The following RNF144A variants were observed in gnomAD, a reference collection of about 807,000 sequenced individuals.
The protein encoded by RNF144A is ring finger protein 144A, also known as E3 ubiquitin-protein ligase RNF144A.
A neutral mutation model predicts 38.7 loss-of-function variants in RNF144A; 11 were observed. The ratio of observed to expected loss-of-function variants is 0.28; its 90% CI spans 0.18 to 0.47. The LOEUF is 0.47. Among genes scored for constraint, RNF144A ranks in the 20% least tolerant of loss-of-function variants. RNF144A has a pLI of 0.99. For synonymous variants in RNF144A, 149 were observed against 143.9 expected (o/e 1.04, Z -0.25); for missense variants, 316 against 377.2 (o/e 0.84, Z 1.34).
intron 2 of RNF144A, among the ~76,000 whole-genome samples, chr2:6,949,051 T>TGGTGCTTTTGATTTCTCTTCTG (rs1666513903): frequency 6.6e-6 from 1 of 152,206 alleles, no homozygotes; most frequent in Non-Finnish European, 1.5e-5. Flanking sequence ...GGTGACCACG[T>TGGTGCTTTTGATTTCTCTTCTG]GGTGCTTTTG....
chr2:6,970,522 C>T (rs1200168475), intron 2 of RNF144A, among the ~76,000 whole-genome samples: 2 of 152,188 alleles, frequency 1.3e-5, no homozygotes, highest in Non-Finnish European at 2.9e-5. Context: ...ATACACGTCC[C>T]ATCCCCAAGA....
chr2:7,040,621 C>T lies in RNF144A; in HGVS notation c.*861C>T. ...AAAACGCTTTTTATTGTATTCAATC[C>T]CACTGCTTTGCTCGGCAATGGTTCT... On this transcript the variant is annotated 3_prime_UTR_variant, in exon 9 of 9. Coordinates refer to ENST00000320892, the MANE Select transcript of RNF144A (RefSeq NM_014746.6). The T allele has an allele frequency of 1.0e-6, 1 of 985,408 alleles. No homozygotes were observed. 61.0% of individuals were successfully genotyped at this position (985,408 alleles called of 1,614,324 possible). A position where few individuals can be genotyped will look rare whatever the true frequency, so the allele number is the denominator to read the frequency against.
At position 7,064,680 on chromosome 2, in the gene RNF144A, C is replaced by G. The variant is rs144451532; in HGVS notation, c.735-3536C>G. ...AGATTAAGGAAGATTCTGGTAATGA[C>G]TTTGATAGACTTTCAGGAGGATGGG... On this transcript the variant is annotated intron_variant, in intron 6 of 6. Transcript: ENST00000432850. 1.4e-4 allele frequency among the ~76,000 whole-genome samples: 21 copies of G among 152,286 alleles called. No individual in the cohort carries two copies. In the East Asian group the frequency reaches 4.1e-3, roughly 29 times the overall value.
intron 5 of RNF144A, among the ~76,000 whole-genome samples, chr2:7,018,192 C>T (rs532337924): frequency 4.6e-5 from 7 of 152,304 alleles, no homozygotes; most frequent in Admixed American, 1.3e-4. Flanking sequence ...AGCAGTGAGA[C>T]GGAAGGGTCC....
chr2:7,063,733 A>G (rs370495122), intron 6 of RNF144A, among the ~76,000 whole-genome samples: 2 of 152,296 alleles, frequency 1.3e-5, no homozygotes, highest in South Asian at 4.2e-4. Context: ...AACGTTGCAA[A>G]AAGGAAGAAA....
chr2:6,921,733 G>T (rs1664553208), intron 1 of RNF144A, among the ~76,000 whole-genome samples: 1 of 152,236 alleles, frequency 6.6e-6, no homozygotes, highest in African/African-American at 2.4e-5. Context: ...CCCACAGGAG[G>T]GTGCCTGGAT....
In RNF144A at chr2:7,041,840, G is replaced by A. The variant is rs544764165; in HGVS notation, c.*2080G>A. 8.1e-6 allele frequency: 8 copies of A among 985,454 alleles called. No individual in the cohort carries two copies. In the Admixed American group the frequency reaches 3.7e-4, roughly 45 times the overall value. The allele number at this position is 985,454 out of a possible 1,614,324, so 61.0% of individuals were successfully genotyped here. A position where few individuals can be genotyped will look rare whatever the true frequency, so the allele number is the denominator to read the frequency against. On this transcript the variant is annotated 3_prime_UTR_variant, in exon 9 of 9. Coordinates refer to ENST00000320892, the MANE Select transcript of RNF144A (RefSeq NM_014746.6). ...CTTAGGATGAGAGTCAGAGCCTTTG[G>A]AAAGGCTGCATCCCCAGGGCTAGAG...
chr2:6,929,403 G>A (rs11674053), intron 1 of RNF144A, among the ~76,000 whole-genome samples: 2,155 of 152,246 alleles, frequency 0.014, 46 homozygotes, highest in African/African-American at 0.048. Context: ...CTGGGCTCCT[G>A]GAGCTAAGCC....
intron 2 of RNF144A, among the ~76,000 whole-genome samples, chr2:6,977,569 TTATATGGGCA>T (rs1182282732): frequency 1.3e-5 from 2 of 152,230 alleles, no homozygotes; most frequent in African/African-American, 4.8e-5. Flanking sequence ...ATAGTTGATA[TTATATGGGCA>T]TAAAATGATC....
chr2:6,955,072 C>A (rs1429011373), intron 2 of RNF144A, among the ~76,000 whole-genome samples: 3 of 152,116 alleles, frequency 2.0e-5, no homozygotes, highest in Non-Finnish European at 2.9e-5. Flanking sequence ...ATTAGGGTGT[C>A]TGTAGAACAA....
At chr2:6,978,974 C>G (rs1172125694) in intron 2 of RNF144A, 1 of 152,672 alleles carries the variant, frequency 6.5e-6, no homozygotes, top group African/African-American at 2.4e-5. Flanking sequence ...CTCTGCCCAA[C>G]TTCTGGGCTG....
At chr2:7,018,214 C>T (rs915835012) in intron 5 of RNF144A, among the ~76,000 whole-genome samples, 15 of 152,342 alleles carry the variant, frequency 9.8e-5, no homozygotes, top group South Asian at 2.1e-4. Context: ...TAGCAGGCAG[C>T]GCTGCCCTTC....
intron 2 of RNF144A, among the ~76,000 whole-genome samples, chr2:6,960,551 T>C (rs538826380): frequency 5.3e-5 from 8 of 152,254 alleles, no homozygotes; most frequent in South Asian, 2.1e-4. Flanking sequence ...CCATCTTGAA[T>C]TGAAGGAGAA....
Position 7,030,234 on chromosome 2 carries a change from G to A in RNF144A, c.747+19G>A. ...GACACAGGTAGGAGGTGATTTGCCTGGAAGGTTGATCTCAGAGAGAGACTG... is the reference window on the plus strand; with the variant it reads ...GACACAGGTAGGAGGTGATTTGCCTAGAAGGTTGATCTCAGAGAGAGACTG... On this transcript the variant is annotated intron_variant, in intron 8 of 8. Transcript: ENST00000320892. The A allele has an allele frequency of 1.3e-6, 2 of 1,548,992 alleles. No individual in the cohort carries two copies. The highest frequency in any genetic ancestry group is 1.8e-6 in the Non-Finnish European group (2 of 1,122,084).
At chr2:6,987,485 T>G (rs1669035133) in intron 2 of RNF144A, among the ~76,000 whole-genome samples, 1 of 152,302 alleles carries the variant, frequency 6.6e-6, no homozygotes, top group Non-Finnish European at 1.5e-5. Flanking sequence ...GGGCTCTGCG[T>G]GGAGGTCGCC....
intron 1 of RNF144A, among the ~76,000 whole-genome samples, chr2:6,923,424 C>T (rs1360774773): frequency 6.6e-6 from 1 of 152,162 alleles, no homozygotes; most frequent in Non-Finnish European, 1.5e-5. Flanking sequence ...CCTGTGAGCC[C>T]GCGGGTTGAG....
chr2:6,972,153 C>T (rs559277056), intron 2 of RNF144A, among the ~76,000 whole-genome samples: 21 of 152,204 alleles, frequency 1.4e-4, no homozygotes, highest in Non-Finnish European at 2.5e-4. Context: ...CAACAGCAAA[C>T]AGCAGAGTGG....
intron 6 of RNF144A, among the ~76,000 whole-genome samples, chr2:7,064,246 G>A (rs1008225136): frequency 1.1e-4 from 16 of 152,072 alleles, no homozygotes; most frequent in Non-Finnish European, 1.9e-4. Flanking sequence ...TAAAATCATA[G>A]CAGATGAGAA....
intron 6 of RNF144A, among the ~76,000 whole-genome samples, chr2:7,058,727 T>G (rs1483993741): frequency 1.3e-5 from 2 of 152,330 alleles, no homozygotes; most frequent in East Asian, 3.9e-4. Context: ...TTCATCAGAA[T>G]CCAATAAAGG....
Sources: allele counts gnomAD v4.1 joint callset (sites outside exome capture counted in the v4.1 genomes callset), GRCh38; gene constraint gnomAD v4.1.1; transcripts MANE v1.5; gene names NCBI Gene and HGNC (gene_info 2026-07-23, HGNC 2026-07-21).